The following CAMKMT variants were observed in gnomAD, a reference collection of about 807,000 sequenced individuals.
CAMKMT encodes CaM KMT.
Under a neutral mutation model 48.0 loss-of-function variants are expected in CAMKMT, and 53 were observed. The observed-to-expected ratio is 1.10, with a 90% CI of 0.89 to 1.39. CAMKMT has a LOEUF of 1.39. Among genes scored for constraint, CAMKMT ranks in the 40% most tolerant of loss-of-function variants. The pLI is 0.00. For missense variants in CAMKMT, 428 were observed against 402.7 expected, an observed-to-expected ratio of 1.06 and a Z score of -0.54; for synonymous variants, 165 against 152.3, an observed-to-expected ratio of 1.08 and a Z score of -0.61.
At chr2:44,460,550 G>T (rs927238275) in intron 3 of CAMKMT, among the ~76,000 whole-genome samples, 7 of 151,962 alleles carry the variant, frequency 4.6e-5, no homozygotes, top group Non-Finnish European at 1.0e-4. Context: ...GTGTTGTGAG[G>T]ACTTTCTGTT....
At chr2:44,741,390 T>C (rs1171195757) in intron 7 of CAMKMT, among the ~76,000 whole-genome samples, 1 of 152,234 alleles carries the variant, frequency 6.6e-6, no homozygotes, top group Non-Finnish European at 1.5e-5. Context: ...GAAGCACCAT[T>C]CTCATTGTAT....
At chr2:44,461,054 C>G (rs1019398853) in intron 3 of CAMKMT, among the ~76,000 whole-genome samples, 7 of 152,120 alleles carry the variant, frequency 4.6e-5, no homozygotes, top group African/African-American at 1.7e-4. Flanking sequence ...AGAGCCTTCT[C>G]CATCTGAGAG....
In CAMKMT at chr2:44,457,731, C is replaced by T. The variant is rs545472087; in HGVS notation, c.376+67426C>T. ...ATATTTCTTAAAAGTGCCTAGTGTA[C>T]AAGAGTCTTTGAAACTAGAAATAAG... On this transcript the variant is annotated intron_variant, in intron 3 of 10. Coordinates refer to ENST00000378494, the MANE Select transcript of CAMKMT (RefSeq NM_024766.5). Among the ~76,000 whole-genome samples, 21 of 152,202 alleles carry T rather than the reference C, an allele frequency of 1.4e-4. No individual in the cohort carries two copies. The South Asian group carries it at 2.5e-3, about 18-fold the overall frequency.
At chr2:44,743,927 A>G (rs1231688146) in intron 8 of CAMKMT, among the ~76,000 whole-genome samples, 1 of 152,142 alleles carries the variant, frequency 6.6e-6, no homozygotes, top group Non-Finnish European at 1.5e-5. Flanking sequence ...AAGCATTTCC[A>G]TTTTCTGGAA....
Position 44,392,613 on chromosome 2 carries a change from A to T in CAMKMT, c.376+2308A>T, listed in dbSNP as rs141086370. Among the ~76,000 whole-genome samples, 941 of 152,134 alleles carry T rather than the reference A, an allele frequency of 6.2e-3. 5 individuals are homozygous for T. The highest frequency in any genetic ancestry group is 0.011 in the Non-Finnish European group (726 of 67,936). On this transcript the variant is annotated intron_variant, in intron 3 of 10. Transcript: ENST00000378494. ...ATTAGGATAAATAGCTCAAATAATA[A>T]CCCTAAGCTTTTACCATGTAGACAT...
chr2:44,690,652 A>C (rs1463009259), intron 3 of CAMKMT, among the ~76,000 whole-genome samples: 1 of 152,184 alleles, frequency 6.6e-6, no homozygotes, highest in Non-Finnish European at 1.5e-5. Flanking sequence ...TTTGCCAGGT[A>C]GTAAGTGTTC....
intron 3 of CAMKMT, among the ~76,000 whole-genome samples, chr2:44,696,345 A>T (rs73924527): frequency 0.021 from 3,227 of 152,328 alleles, 107 homozygotes; most frequent in African/African-American, 0.074. Flanking sequence ...ATATCTGCAA[A>T]TTTTGGTATG....
intron 2 of CAMKMT, among the ~76,000 whole-genome samples, chr2:44,387,023 G>C (rs1309369468): frequency 6.6e-6 from 1 of 152,130 alleles, no homozygotes; most frequent in Non-Finnish European, 1.5e-5. Context: ...GTATGTATCT[G>C]TTAAGTCCAT....
intron 7 of CAMKMT, among the ~76,000 whole-genome samples, chr2:44,718,125 G>A (rs1310767905): frequency 1.3e-5 from 2 of 152,250 alleles, no homozygotes; most frequent in Non-Finnish European, 2.9e-5. Context: ...CTTGGAAGGG[G>A]CCTTGCAAGA....
At chr2:44,713,337 C>CAT (rs1187566258) in intron 6 of CAMKMT, among the ~76,000 whole-genome samples, 1 of 152,136 alleles carries the variant, frequency 6.6e-6, no homozygotes, top group African/African-American at 2.4e-5. Flanking sequence ...CACATTATGG[C>CAT]ATGCGGTTGG....
chr2:44,632,930 T>A (rs2103974180), intron 3 of CAMKMT, among the ~76,000 whole-genome samples: 1 of 152,336 alleles, frequency 6.6e-6, no homozygotes, highest in African/African-American at 2.4e-5. Context: ...GCAGATGGCC[T>A]ATTGTGGAAC....
At chr2:44,440,492 C>T (rs1345366437) in intron 3 of CAMKMT, among the ~76,000 whole-genome samples, 1 of 146,660 alleles carries the variant, frequency 6.8e-6, no homozygotes, top group East Asian at 1.9e-4. Context: ...GATACACAAA[C>T]ACTTTAAGTC....
chr2:44,709,022 C>G (rs987630072), intron 6 of CAMKMT, among the ~76,000 whole-genome samples: 1 of 152,096 alleles, frequency 6.6e-6, no homozygotes, highest in Non-Finnish European at 1.5e-5. Flanking sequence ...TATTATTGAG[C>G]TAAACTACAG....
intron 3 of CAMKMT, among the ~76,000 whole-genome samples, chr2:44,638,488 C>T (rs967868489): frequency 6.6e-6 from 1 of 152,158 alleles, no homozygotes; most frequent in Non-Finnish European, 1.5e-5. Context: ...ATCTGCTTTA[C>T]GTGAAAACTC....
At chr2:44,423,773 T>C (rs1006731408) in intron 3 of CAMKMT, among the ~76,000 whole-genome samples, 5 of 152,202 alleles carry the variant, frequency 3.3e-5, no homozygotes, top group African/African-American at 9.7e-5. Context: ...ATAAAATATA[T>C]TGAAGGCTTT....
At chr2:44,472,720 A>G (rs997529705) in intron 3 of CAMKMT, among the ~76,000 whole-genome samples, 1 of 152,234 alleles carries the variant, frequency 6.6e-6, no homozygotes, top group African/African-American at 2.4e-5. Flanking sequence ...TAAATTATGC[A>G]TCCCAGAAAA....
intron 3 of CAMKMT, among the ~76,000 whole-genome samples, chr2:44,553,793 G>C (rs1667854116): frequency 6.6e-6 from 1 of 152,108 alleles, no homozygotes; most frequent in African/African-American, 2.4e-5. Context: ...GGCTCTGGTA[G>C]TATTTCTAAC....
Position 44,471,781 on chromosome 2 carries a change from A to G in CAMKMT, c.376+81476A>G, listed in dbSNP as rs557058007. On this transcript the variant is annotated intron_variant, in intron 3 of 10. Coordinates refer to ENST00000378494, the MANE Select transcript of CAMKMT (RefSeq NM_024766.5). ...TCTGCAGCCTCCACCTCCCGGTTCA[A>G]GTAATTCTTGTGCCTCAGCCTCCCG... is the stretch of plus-strand genomic sequence containing the variant. Among the ~76,000 whole-genome samples the G allele has an allele frequency of 5.9e-5, 9 of 152,154 alleles. No homozygotes were observed. The South Asian group carries it at 1.9e-3, about 32-fold the overall frequency.
intron 3 of CAMKMT, among the ~76,000 whole-genome samples, chr2:44,398,704 C>T (rs529347953): frequency 9.4e-4 from 141 of 150,136 alleles, no homozygotes; most frequent in African/African-American, 3.1e-3. Flanking sequence ...CTTACATAAA[C>T]GTAAATCACC....
Sources: allele counts gnomAD v4.1 joint callset (sites outside exome capture counted in the v4.1 genomes callset), GRCh38; gene constraint gnomAD v4.1.1; transcripts MANE v1.5; gene names NCBI Gene and HGNC (gene_info 2026-07-23, HGNC 2026-07-21).